SAFB2: variants seen among roughly 807,000 people sequenced by gnomAD.
SAFB2 encodes the protein scaffold attachment factor B2.
In SAFB2, 32 loss-of-function variants were observed where a neutral mutation model predicts 100.6. That is an observed-to-expected ratio of 0.32 (90% CI 0.24 to 0.43). The LOEUF (loss-of-function observed/expected upper bound fraction) is 0.43, where lower values mean the gene tolerates loss of function less well. Ranked by LOEUF, SAFB2 falls within the 20% of genes least tolerant of loss-of-function variation. SAFB2 has a pLI of 1.00. For synonymous variants in SAFB2, 500 were observed against 439.4 expected (o/e 1.14, Z -1.72); for missense variants, 1,185 against 1,163.4 (o/e 1.02, Z -0.27).
chr19:5,608,270 A>G (rs1024583144), intron 9 of SAFB2, among the ~76,000 whole-genome samples: 1 of 152,112 alleles, frequency 6.6e-6, no homozygotes, highest in African/African-American at 2.4e-5. Flanking sequence ...CCTCCCCAAC[A>G]CACTGACGGC....
chr19:5,619,693 A>G (rs2053101894), intron 2 of SAFB2, among the ~76,000 whole-genome samples: 1 of 152,094 alleles, frequency 6.6e-6, no homozygotes, highest in African/African-American at 2.4e-5. Context: ...AAAATATAAA[A>G]AAGTAGCTGG....
At chr19:5,610,203 A>C (rs2052879042) in intron 8 of SAFB2, 108 bp from the exon 9 acceptor site, 1 of 820,102 alleles carries the variant, frequency 1.2e-6, no homozygotes, top group Non-Finnish European at 2.0e-6. Flanking sequence ...CCCAATCCCA[A>C]CTGCTGACTT....
intron 5 of SAFB2, among the ~76,000 whole-genome samples, chr19:5,613,025 G>T (rs1252176443): frequency 6.6e-6 from 1 of 152,214 alleles, no homozygotes; most frequent in South Asian, 2.1e-4. Flanking sequence ...AGGACAATAG[G>T]TCCAATCCTT....
At chr19:5,618,700 T>C (rs1225127381) in intron 2 of SAFB2, among the ~76,000 whole-genome samples, 5 of 152,340 alleles carry the variant, frequency 3.3e-5, no homozygotes, top group Admixed American at 3.3e-4. Context: ...AATAGTAGCC[T>C]GCAGTGCCCA....
At chr19:5,610,392 T>C in intron 8 of SAFB2, 1 of 587,478 alleles carries the variant, frequency 1.7e-6, no homozygotes, top group South Asian at 2.1e-5. Context: ...CAGTCTTCAA[T>C]GAGCAGAATT....
At chr19:5,609,899 A>G in intron 9 of SAFB2, 96 bp downstream of exon 9, 1 of 1,094,194 alleles carries the variant, frequency 9.1e-7, no homozygotes, top group East Asian at 2.6e-5. Context: ...CAGCCTCCCA[A>G]ACTGCTGGGA....
In SAFB2 at chr19:5,604,808, T is replaced by C; in HGVS notation, c.1425A>G (p.Gly475=). 1 of 1,614,158 alleles carries C rather than the reference T, an allele frequency of 6.2e-7. No homozygotes were observed. Among genetic ancestry groups the C allele is most frequent in the Non-Finnish European group, 8.5e-7 (1 of 1,180,020 alleles). The change falls in exon 10 of 21, where the codon GGA becomes GGG. Residue 475 remains glycine (G), a synonymous_variant. Transcript: ENST00000252542. ...ISHLHRTELH[G]RMISVEKAKN... ...TCACCTTCTCTACGGAGATCATTCG[T>C]CCATGCAGCTCAGTTCTGTGGAGAT...
intron 13 of SAFB2, 44 bp downstream of exon 13, chr19:5,598,749 T>C (rs1217569149): frequency 4.5e-6 from 7 of 1,552,696 alleles, no homozygotes; most frequent in Non-Finnish European, 6.2e-6. Context: ...CGTGGAGCCA[T>C]CGTGAGAAAC....
chr19:5,593,770 T>C (rs1042697522), intron 15 of SAFB2, 121 bp downstream of exon 15: 14 of 1,106,082 alleles, frequency 1.3e-5, no homozygotes, highest in African/African-American at 1.2e-4. Context: ...AGGCGCATGC[T>C]CCATATCAAA....
Position 5,593,946 on chromosome 19 carries a change from G to A in SAFB2, c.2152C>T (p.Gln718Ter). The A allele has an allele frequency of 6.4e-7, 1 of 1,554,380 alleles. No homozygotes were observed. The highest frequency in any genetic ancestry group is 8.6e-7 in the Non-Finnish European group (1 of 1,159,086). Residue 718 changes from glutamine (Q) to a stop codon, truncating the protein, a stop_gained, in exon 15 of 21, where the codon CAG becomes TAG. Transcript: ENST00000252542. LOFTEE classifies it high-confidence loss of function. ...CGCCGCTCCTGCTCGTAACGCAGCTGCTCCTGCTGGCGCCGCAGCTCCTCG... is the reference window on the plus strand; with the variant it reads ...CGCCGCTCCTGCTCGTAACGCAGCTACTCCTGCTGGCGCCGCAGCTCCTCG... ...EREELRRQQE[Q>*]LRYEQERRPG...
chr19:5,607,158 G>A (rs1230386279), intron 9 of SAFB2, among the ~76,000 whole-genome samples: 1 of 152,182 alleles, frequency 6.6e-6, no homozygotes, highest in Non-Finnish European at 1.5e-5. Context: ...CTACTTGGGA[G>A]GCTGAGGCAG....
At chr19:5,621,775 G>A (rs964967682) in intron 1 of SAFB2, among the ~76,000 whole-genome samples, 2 of 152,248 alleles carry the variant, frequency 1.3e-5, no homozygotes, top group Non-Finnish European at 2.9e-5. Flanking sequence ...TGGTGAGGAG[G>A]AACAGCAGCC....
intron 15 of SAFB2, 118 bp downstream of exon 15, chr19:5,593,773 A>G (rs1317153545): frequency 7.1e-6 from 8 of 1,129,154 alleles, no homozygotes; most frequent in South Asian, 3.7e-5. Context: ...CGCATGCTCC[A>G]TATCAAATTT....
intron 11 of SAFB2, among the ~76,000 whole-genome samples, chr19:5,601,604 C>T (rs1399733135): frequency 1.3e-5 from 2 of 151,858 alleles, no homozygotes; most frequent in African/African-American, 4.8e-5. Context: ...CCCAGCCACT[C>T]GGGAGGCTAA....
In SAFB2 at chr19:5,591,676, G is replaced by A; in HGVS notation, c.2394+72C>T. 6 of 1,497,592 alleles carry A rather than the reference G, an allele frequency of 4.0e-6. No individual in the cohort carries two copies. The South Asian group carries it at 6.8e-5, about 17-fold the overall frequency. 92.8% of individuals were successfully genotyped at this position (1,497,592 alleles called of 1,614,324 possible). ...CCTCTCTGGGATCAAGCGGCCGCCT[G>A]GCTAGAAATGGTCCGCTATGCCTGC... On this transcript the variant is annotated intron_variant, in intron 17 of 20. Coordinates refer to ENST00000252542, the MANE Select transcript of SAFB2 (RefSeq NM_014649.3).
At chr19:5,607,598 T>A (rs1295152426) in intron 9 of SAFB2, among the ~76,000 whole-genome samples, 1 of 151,750 alleles carries the variant, frequency 6.6e-6, no homozygotes, top group Non-Finnish European at 1.5e-5. Flanking sequence ...GGCAGATAAA[T>A]GGGAAAAAGA....
chr19:5,601,458 C>G (rs1004033311), intron 11 of SAFB2, among the ~76,000 whole-genome samples: 2 of 152,128 alleles, frequency 1.3e-5, no homozygotes, highest in African/African-American at 4.8e-5. Flanking sequence ...TGCCTGTAAT[C>G]CCAGCACTTT....
Position 5,611,197 on chromosome 19 carries a change from A to C in SAFB2, c.1068T>G (p.Phe356Leu). ...GGACTTCATTACAAGCGTCAAAATC[A>C]AACTTCCTCCCGTCTTCTTTGCTAT... ...ARDSKEDGRK[F>L]DFDACNEVPP... The change falls in exon 7 of 21, where the codon TTT becomes TTG. Residue 356 changes from phenylalanine to leucine, a missense_variant. Physicochemically the swap from Phe to Leu is conservative, Grantham distance 22. This residue lies in a region of SAFB2 where 351 missense variants were observed against 341.2 expected (regional missense o/e 1.03). Transcript: ENST00000252542. The C allele has an allele frequency of 2.2e-6, 1 of 455,442 alleles. No individual in the cohort carries two copies. The highest frequency in any genetic ancestry group is 3.6e-6 in the Non-Finnish European group (1 of 276,862). 28.2% of individuals were successfully genotyped at this position (455,442 alleles called of 1,614,324 possible).
chr19:5,622,697 C>G lies in SAFB2; in HGVS notation c.19G>C (p.Gly7Arg), dbSNP rs759320265. Reference sequence around the variant, plus strand: ...GTGCCAGGGCCCGAGTCGCCCGACCCGGGCAGAGTCTCCGCCATCGTCGCG... The same window carrying G: ...GTGCCAGGGCCCGAGTCGCCCGACCGGGGCAGAGTCTCCGCCATCGTCGCG... The part of the protein sequence containing the change: MAETLP[G>R]SGDSGPGTAS... Residue 7 changes from glycine to arginine, a missense_variant, in exon 1 of 21, where the codon GGG becomes CGG. Gly to Arg is a moderately radical substitution (Grantham distance 125). This residue lies in a region of SAFB2 where 351 missense variants were observed against 341.2 expected (regional missense o/e 1.03). Transcript: ENST00000252542. 1.9e-6 allele frequency: 3 copies of G among 1,604,406 alleles called. No individual in the cohort carries two copies. Among genetic ancestry groups the G allele is most frequent in the Non-Finnish European group, 2.5e-6 (3 of 1,178,246 alleles).
Sources: gnomAD v4.1 joint callset for allele counts (sites outside exome capture counted in the v4.1 genomes callset) on GRCh38, gnomAD v4.1.1 for gene constraint, gnomAD v4.1.1 regional missense constraint, MANE v1.5 for transcripts, NCBI Gene and HGNC (gene_info 2026-07-23, HGNC 2026-07-21) for gene names.